LATS1: variants seen among roughly 807,000 people sequenced by gnomAD.
LATS1 encodes serine/threonine-protein kinase LATS1.
Under a neutral mutation model 106.6 loss-of-function variants are expected in LATS1, and 25 were observed. The ratio of observed to expected loss-of-function variants is 0.23; its 90% confidence interval spans 0.17 to 0.33. The LOEUF (loss-of-function observed/expected upper bound fraction) is 0.33, where lower values mean the gene tolerates loss of function less well. Among genes scored for constraint, LATS1 ranks in the 10% least tolerant of loss-of-function variants. LATS1 has a pLI of 1.00. For synonymous variants in LATS1, 465 were observed against 455.6 expected (o/e 1.02, Z -0.26); for missense variants, 1,040 against 1,382.6 (o/e 0.75, Z 3.93).
intron 3 of LATS1, among the ~76,000 whole-genome samples, chr6:149,694,441 T>C (rs1178256617): frequency 1.3e-5 from 2 of 152,180 alleles, no homozygotes; most frequent in Admixed American, 6.5e-5. Context: ...TCCCATAGTA[T>C]TGAGCTTATA....
At chr6:149,666,739 G>A (rs924378915) in intron 7 of LATS1, among the ~76,000 whole-genome samples, 3 of 151,680 alleles carry the variant, frequency 2.0e-5, no homozygotes, top group East Asian at 2.0e-4. Flanking sequence ...TCAGGAGATC[G>A]AGACCATCCT....
chr6:149,690,213 C>CTTTTTTT (rs201743580), intron 3 of LATS1, among the ~76,000 whole-genome samples: 7 of 125,446 alleles, frequency 5.6e-5, no homozygotes, highest in Non-Finnish European at 8.2e-5. Flanking sequence ...TTCTTTTTTT[C>CTTTTTTT]TTTTTTTTTT....
Position 149,683,460 on chromosome 6 carries a change from C to T in LATS1, c.1629G>A (p.Met543Ile). The change falls in exon 4 of 8, where the codon ATG (methionine) becomes ATA (isoleucine). Residue 543 changes from methionine (M) to isoleucine (I), a missense_variant. Transcript: ENST00000543571. The stretch of plus-strand genomic sequence containing the variant: ...AGTTTGGAGCTTCAGCAACAGGTGG[C>T]ATCACAGTCACATTTGAAGCGGTTC... ...PEGTASNVTV[M>I]PPVAEAPNYQ... 2 of 1,614,146 alleles carry T rather than the reference C, an allele frequency of 1.2e-6. No homozygotes were observed. Among genetic ancestry groups the T allele is most frequent in the Non-Finnish European group, 1.7e-6 (2 of 1,180,052 alleles).
intron 7 of LATS1, among the ~76,000 whole-genome samples, chr6:149,671,970 C>G (rs1781465119): frequency 6.6e-6 from 1 of 150,656 alleles, no homozygotes; most frequent in South Asian, 2.1e-4. Context: ...CTCACTGCAA[C>G]CTCCTCCTCC....
chr6:149,664,737 A>T (rs190397946), intron 7 of LATS1, among the ~76,000 whole-genome samples: 2,413 of 152,268 alleles, frequency 0.016, 29 homozygotes, highest in Middle Eastern at 0.031. Context: ...TTATTTTTTT[A>T]AAAAATTAAT....
intron 4 of LATS1, among the ~76,000 whole-genome samples, chr6:149,680,998 C>G (rs1056913711): frequency 2.0e-5 from 3 of 152,166 alleles, no homozygotes; most frequent in Admixed American, 1.3e-4. Flanking sequence ...AATAAATATA[C>G]AACAGTCATT....
intron 7 of LATS1, among the ~76,000 whole-genome samples, chr6:149,664,426 T>G (rs951802546): frequency 6.6e-6 from 1 of 152,166 alleles, no homozygotes; most frequent in African/African-American, 2.4e-5. Flanking sequence ...TTCAAGAAAC[T>G]GAGTGAATCT....
At chr6:149,680,758 A>G (rs987590618) in intron 4 of LATS1, among the ~76,000 whole-genome samples, 5 of 151,676 alleles carry the variant, frequency 3.3e-5, no homozygotes, top group Non-Finnish European at 7.4e-5. Flanking sequence ...AAAAAAAAAA[A>G]AAGGTTCTCA....
chr6:149,678,384 T>A (rs1331231960), intron 5 of LATS1, among the ~76,000 whole-genome samples: 1 of 151,900 alleles, frequency 6.6e-6, no homozygotes, highest in South Asian at 2.1e-4. Context: ...ACAAAAAGAT[T>A]TCTATGCCCC....
chr6:149,660,718 C>A lies in LATS1; in HGVS notation c.*1011G>T. 4.4e-6 allele frequency: 1 copy of A among 228,754 alleles called. No homozygotes were observed. The highest frequency in any genetic ancestry group is 8.7e-6 in the Non-Finnish European group (1 of 115,468). 14.2% of individuals were successfully genotyped at this position (228,754 alleles called of 1,614,324 possible). On this transcript the variant is annotated 3_prime_UTR_variant, in exon 8 of 8. Coordinates refer to ENST00000543571, the MANE Select transcript of LATS1 (RefSeq NM_004690.4). ...GTAAACTTTCCTAATTATTAATGGCCATCTTAAGAGTTAATTTTTTCACCA... is the reference window on the plus strand; with the variant it reads ...GTAAACTTTCCTAATTATTAATGGCAATCTTAAGAGTTAATTTTTTCACCA...
chr6:149,713,591 C>T (rs1028651582), intron 1 of LATS1, among the ~76,000 whole-genome samples: 5 of 152,202 alleles, frequency 3.3e-5, no homozygotes, highest in South Asian at 2.1e-4. Flanking sequence ...CCACCATACC[C>T]GGACAATTGT....
chr6:149,697,426 A>G (rs1783165626), intron 2 of LATS1, among the ~76,000 whole-genome samples: 1 of 152,218 alleles, frequency 6.6e-6, no homozygotes, highest in African/African-American at 2.4e-5. Context: ...GCCACCAAGA[A>G]GTAAAATTTA....
intron 5 of LATS1, among the ~76,000 whole-genome samples, chr6:149,679,065 A>G (rs1407068246): frequency 6.6e-6 from 1 of 152,186 alleles, no homozygotes; most frequent in Non-Finnish European, 1.5e-5. Flanking sequence ...ATGAAATAAT[A>G]TATTATTTAA....
chr6:149,716,774 TTTACTG>T (rs2115042660), intron 1 of LATS1, among the ~76,000 whole-genome samples: 1 of 152,292 alleles, frequency 6.6e-6, no homozygotes, highest in Non-Finnish European at 1.5e-5. Context: ...TGCTACTTCT[TTTACTG>T]TTCAATCAAA....
chr6:149,691,774 T>C (rs1216212413), intron 3 of LATS1, among the ~76,000 whole-genome samples: 1 of 152,152 alleles, frequency 6.6e-6, no homozygotes, highest in African/African-American at 2.4e-5. Context: ...ACCTCCCTAC[T>C]TGACATCTTC....
rs376810220 is a variant in LATS1 at position 149,686,520 on chromosome 6, T to A, written c.497-1928A>T. On this transcript the variant is annotated intron_variant, in intron 3 of 7. Coordinates refer to ENST00000543571, the MANE Select transcript of LATS1 (RefSeq NM_004690.4). The stretch of plus-strand genomic sequence containing the variant: ...GGCTCCACAGCCAGCAAATGTGCCT[T>A]ATCAGTAACCTCTCCTCCAAGCTTT... Among the ~76,000 whole-genome samples, 88 of 152,324 alleles carry A rather than the reference T, an allele frequency of 5.8e-4. No homozygotes were observed. The East Asian group carries it at 0.016, about 28-fold the overall frequency.
chr6:149,666,965 C>G (rs1781186760), intron 7 of LATS1, among the ~76,000 whole-genome samples: 1 of 147,930 alleles, frequency 6.8e-6, no homozygotes, highest in Non-Finnish European at 1.5e-5. Flanking sequence ...AAAAAATGCT[C>G]CAAATAAGGA....
chr6:149,681,081 T>C (rs903881273), intron 4 of LATS1, among the ~76,000 whole-genome samples: 1 of 152,122 alleles, frequency 6.6e-6, no homozygotes, highest in Non-Finnish European at 1.5e-5. Flanking sequence ...CTAACACAAA[T>C]TGCAAAGGGT....
chr6:149,672,728 C>T (rs1194975305), intron 7 of LATS1, among the ~76,000 whole-genome samples: 1 of 151,848 alleles, frequency 6.6e-6, no homozygotes, highest in Non-Finnish European at 1.5e-5. Context: ...GGTGGACCAC[C>T]TGAGGTCAGG....
Sources: allele counts gnomAD v4.1 joint callset (sites outside exome capture counted in the v4.1 genomes callset), GRCh38; gene constraint gnomAD v4.1.1; transcripts MANE v1.5; gene names NCBI Gene and HGNC (gene_info 2026-07-23, HGNC 2026-07-21).